The following KIAA0232 variants were observed in gnomAD, a reference collection of about 807,000 sequenced individuals.
KIAA0232 encodes uncharacterized protein KIAA0232.
A neutral mutation model predicts 122.0 loss-of-function variants in KIAA0232; 27 were observed. The ratio of observed to expected loss-of-function variants is 0.22; its 90% CI spans 0.16 to 0.31. The LOEUF is 0.31. Ranked by LOEUF, KIAA0232 falls within the 10% of genes least tolerant of loss-of-function variation. KIAA0232 has a pLI of 1.00. For missense variants in KIAA0232, 1,551 were observed against 1,634.2 expected, an observed-to-expected ratio of 0.95 and a Z score of 0.88; for synonymous variants, 613 against 587.6, an observed-to-expected ratio of 1.04 and a Z score of -0.63.
chr4:6,798,278 A>G (rs1281000528), intron 1 of KIAA0232, among the ~76,000 whole-genome samples: 1 of 152,168 alleles, frequency 6.6e-6, no homozygotes, highest in Non-Finnish European at 1.5e-5. Flanking sequence ...TTGTGAAAGC[A>G]GTGTTTGATG....
chr4:6,820,189 A>T lies in KIAA0232; in HGVS notation c.-269-3996A>T, dbSNP rs1718355274. On this transcript the variant is annotated intron_variant, in intron 2 of 9. Coordinates refer to ENST00000307659, the MANE Select transcript of KIAA0232 (RefSeq NM_014743.3). ...GGGCAATGGAATAATTCATACCCCA[A>T]ACCTCAGCATCATGCAACATACCCA... Among the ~76,000 whole-genome samples, 3 of 152,148 alleles carry T rather than the reference A, an allele frequency of 2.0e-5. No individual in the cohort carries two copies. The South Asian group carries it at 6.3e-4, about 32-fold the overall frequency.
At chr4:6,851,377 A>G (rs1030416785) in intron 4 of KIAA0232, among the ~76,000 whole-genome samples, 1 of 152,232 alleles carries the variant, frequency 6.6e-6, no homozygotes. Context: ...CCATCTCCAT[A>G]TGAAAGTAAG....
At chr4:6,867,046 G>A (rs1342798316) in intron 7 of KIAA0232, among the ~76,000 whole-genome samples, 1 of 152,210 alleles carries the variant, frequency 6.6e-6, no homozygotes, top group African/African-American at 2.4e-5. Context: ...ATGTTCACAT[G>A]TATTTCTTCC....
intron 1 of KIAA0232, among the ~76,000 whole-genome samples, chr4:6,804,064 T>C (rs1003773144): frequency 2.6e-5 from 4 of 152,248 alleles, no homozygotes; most frequent in African/African-American, 4.8e-5. Flanking sequence ...TTGAGAAATA[T>C]ATCTATTTTA....
intron 2 of KIAA0232, among the ~76,000 whole-genome samples, chr4:6,823,822 ATGT>A (rs1718538173): frequency 6.6e-6 from 1 of 152,092 alleles, no homozygotes; most frequent in Non-Finnish European, 1.5e-5. Flanking sequence ...AAAGTTCACA[ATGT>A]TGTTTTAAGT....
At chr4:6,857,678 T>G (rs1720633975) in intron 5 of KIAA0232, among the ~76,000 whole-genome samples, 1 of 152,238 alleles carries the variant, frequency 6.6e-6, no homozygotes, top group African/African-American at 2.4e-5. Flanking sequence ...ACTTCAGGTT[T>G]GGAAGGGACT....
Position 6,881,109 on chromosome 4 carries a change from C to G in KIAA0232, c.*143C>G. 1 of 625,236 alleles carries G rather than the reference C, an allele frequency of 1.6e-6. No individual in the cohort carries two copies. Among genetic ancestry groups the G allele is most frequent in the Non-Finnish European group, 2.5e-6 (1 of 405,242 alleles). The allele number at this position is 625,236 out of a possible 1,614,324, so 38.7% of individuals were successfully genotyped here. ...GATTGGTAATAATTATCTTTCTCTT[C>G]TTGCTTATTTTAGAGTTGAGGACAG... On this transcript the variant is annotated 3_prime_UTR_variant, in exon 10 of 10. Coordinates refer to ENST00000307659, the MANE Select transcript of KIAA0232 (RefSeq NM_014743.3).
At chr4:6,818,322 C>A (rs747894088) in intron 2 of KIAA0232, among the ~76,000 whole-genome samples, 1 of 151,426 alleles carries the variant, frequency 6.6e-6, no homozygotes. Context: ...ATTTTTAGAA[C>A]CCAGGAGGCG....
At chr4:6,812,200 A>G (rs748991925) in intron 2 of KIAA0232, among the ~76,000 whole-genome samples, 50 of 152,316 alleles carry the variant, frequency 3.3e-4, no homozygotes, top group Middle Eastern at 3.4e-3. Flanking sequence ...ATTAAGCTCA[A>G]CATAGTCATT....
chr4:6,873,554 GAC>G (rs1233385060), intron 8 of KIAA0232, among the ~76,000 whole-genome samples: 1 of 152,102 alleles, frequency 6.6e-6, no homozygotes, highest in East Asian at 1.9e-4. Context: ...ATGATTTTGA[GAC>G]ACAGAGTTCA....
chr4:6,879,892 CT>C (rs1721975762), intron 9 of KIAA0232, among the ~76,000 whole-genome samples: 2 of 141,526 alleles, frequency 1.4e-5, no homozygotes, highest in Non-Finnish European at 3.1e-5. Context: ...GCAGTGTCCC[CT>C]CACCATCTGT....
At chr4:6,789,573 G>A (rs2108864572) in intron 1 of KIAA0232, among the ~76,000 whole-genome samples, 1 of 152,252 alleles carries the variant, frequency 6.6e-6, no homozygotes, top group African/African-American at 2.4e-5. Context: ...TGCCTGGCCA[G>A]TCATCTCATT....
intron 2 of KIAA0232, among the ~76,000 whole-genome samples, chr4:6,807,947 A>ACTACTCGG: frequency 6.6e-6 from 1 of 152,314 alleles, no homozygotes; most frequent in East Asian, 1.9e-4. Flanking sequence ...GTGCACCTGT[A>ACTACTCGG]GTCCCAGCTA....
chr4:6,820,116 G>A (rs1320161127), intron 2 of KIAA0232, among the ~76,000 whole-genome samples: 2 of 152,120 alleles, frequency 1.3e-5, no homozygotes, highest in African/African-American at 4.8e-5. Context: ...AGGGAGGGAG[G>A]CAGTAGGTGT....
chr4:6,792,125 T>C lies in KIAA0232; in HGVS notation c.-354+9284T>C, dbSNP rs140049774. 1.8e-3 allele frequency among the ~76,000 whole-genome samples: 278 copies of C among 152,316 alleles called. 11 individuals carry two copies. The East Asian group carries it at 0.05, about 28-fold the overall frequency. On this transcript the variant is annotated intron_variant, in intron 1 of 9. Coordinates refer to ENST00000307659, the MANE Select transcript of KIAA0232 (RefSeq NM_014743.3). ...CAATGAAACCTCTTTCCTTTCTAAA[T>C]TACCCAGTCTTGGGTATGTCTTTAT...
chr4:6,810,334 C>A (rs1048791643), intron 2 of KIAA0232, among the ~76,000 whole-genome samples: 6 of 152,126 alleles, frequency 3.9e-5, no homozygotes, highest in African/African-American at 1.4e-4. Flanking sequence ...AGAAAGGATA[C>A]CCTCTTAAAG....
At chr4:6,801,129 A>C (rs1017671084) in intron 1 of KIAA0232, among the ~76,000 whole-genome samples, 4 of 152,250 alleles carry the variant, frequency 2.6e-5, no homozygotes, top group Non-Finnish European at 5.9e-5. Context: ...TGTTGTGTCC[A>C]GTAGAACTTT....
chr4:6,884,067 A>T lies in KIAA0232; in HGVS notation c.*3101A>T, dbSNP rs951652371. The T allele has an allele frequency of 6.6e-6, 1 of 152,240 alleles. No individual in the cohort carries two copies. The highest frequency in any genetic ancestry group is 2.4e-5 in the African/African-American group (1 of 41,460). 9.4% of individuals were successfully genotyped at this position (152,240 alleles called of 1,614,324 possible). On this transcript the variant is annotated 3_prime_UTR_variant, in exon 10 of 10. Coordinates refer to ENST00000307659, the MANE Select transcript of KIAA0232 (RefSeq NM_014743.3). ...TTTTTGGTTGTTTATTCAGTATCTGAATAACGTTTCTATGGACATCTGTAA... is the reference window on the plus strand; with the variant it reads ...TTTTTGGTTGTTTATTCAGTATCTGTATAACGTTTCTATGGACATCTGTAA...
At chr4:6,795,677 T>TG (rs1314630360) in intron 1 of KIAA0232, among the ~76,000 whole-genome samples, 2 of 152,270 alleles carry the variant, frequency 1.3e-5, no homozygotes, top group Admixed American at 1.3e-4. Flanking sequence ...CTTGCAGCCT[T>TG]GGTCTCCCAG....
Sources: gnomAD v4.1 joint callset for allele counts (sites outside exome capture counted in the v4.1 genomes callset) on GRCh38, gnomAD v4.1.1 for gene constraint, MANE v1.5 for transcripts, NCBI Gene and HGNC (gene_info 2026-07-23, HGNC 2026-07-21) for gene names.